SVIL: variants seen among roughly 807,000 people sequenced by gnomAD.
SVIL encodes the protein archvillin.
In SVIL, 101 loss-of-function variants were observed where a neutral mutation model predicts 240.4. That is an observed-to-expected ratio of 0.42 (90% CI 0.36 to 0.50). The LOEUF (loss-of-function observed/expected upper bound fraction) is 0.50, where lower values mean the gene tolerates loss of function less well. Ranked by LOEUF, SVIL falls within the 20% of genes least tolerant of loss-of-function variation. The pLI is 0.01. For missense variants in SVIL, 2,512 were observed against 2,818.7 expected (o/e 0.89, Z 2.46); for synonymous variants, 999 against 1,100.0 (o/e 0.91, Z 1.82).
In SVIL at chr10:29,611,736, C is replaced by T. The variant is rs187539380; in HGVS notation, c.-201+22684G>A. Among the ~76,000 whole-genome samples the T allele has an allele frequency of 7.2e-4, 109 of 152,244 alleles. 1 individual carries two copies. The highest frequency in any genetic ancestry group is 2.3e-3 in the African/African-American group (94 of 41,546). Reference sequence around the variant, plus strand: ...GTGAGGCAAAGGAGCATCTCAGAAGCGAAGCTGCTACTTACGAGAACTTCT... The same window carrying T: ...GTGAGGCAAAGGAGCATCTCAGAAGTGAAGCTGCTACTTACGAGAACTTCT... On this transcript the variant is annotated intron_variant, in intron 1 of 37. Transcript: ENST00000355867.
chr10:29,458,880 C>G (rs749289731), intron 36 of SVIL: 2 of 191,576 alleles, frequency 1.0e-5, no homozygotes, highest in Non-Finnish European at 2.1e-5. Flanking sequence ...AATCATAGCT[C>G]ACTGCAGCCT....
chr10:29,467,338 C>T (rs887232103), intron 33 of SVIL: 1 of 159,792 alleles, frequency 6.3e-6, no homozygotes, highest in African/African-American at 2.4e-5. Context: ...CAGGTGGCAG[C>T]TATGAGGAAA....
intron 1 of SVIL, among the ~76,000 whole-genome samples, chr10:29,709,716 C>CAG (rs1963146179): frequency 6.6e-6 from 1 of 152,160 alleles, no homozygotes; most frequent in Non-Finnish European, 1.5e-5. Context: ...GTAAGTCTGG[C>CAG]AGACACCCCA....
intron 1 of SVIL, among the ~76,000 whole-genome samples, chr10:29,600,579 AT>A (rs1390788520): frequency 6.6e-6 from 1 of 152,112 alleles, no homozygotes; most frequent in Non-Finnish European, 1.5e-5. Flanking sequence ...AGAACTCACC[AT>A]TTTCTTTTAT....
chr10:29,594,914 T>C, intron 1 of SVIL, among the ~76,000 whole-genome samples: 1 of 152,212 alleles, frequency 6.6e-6, no homozygotes, highest in Admixed American at 6.5e-5. Flanking sequence ...AACACACCTC[T>C]GGGTTGTATA....
chr10:29,583,414 C>T (rs73596060), intron 1 of SVIL, among the ~76,000 whole-genome samples: 3,191 of 152,256 alleles, frequency 0.021, 92 homozygotes, highest in African/African-American at 0.07. Flanking sequence ...TTCCTCCCAC[C>T]TCTGCCTCCT....
At chr10:29,658,856 C>T (rs1202463359) in intron 2 of SVIL, among the ~76,000 whole-genome samples, 5 of 152,118 alleles carry the variant, frequency 3.3e-5, no homozygotes, top group African/African-American at 7.2e-5. Context: ...AAATTCATCA[C>T]GAAGTTGGAT....
intron 35 of SVIL, among the ~76,000 whole-genome samples, chr10:29,463,202 T>C (rs538687903): frequency 1.6e-4 from 24 of 152,352 alleles, no homozygotes; most frequent in Non-Finnish European, 3.1e-4. Flanking sequence ...TTAATCTGCC[T>C]GGGGCATTCC....
chr10:29,529,175 C>CAGAAAAAAAAAAAAAA (rs1491188568), intron 12 of SVIL, among the ~76,000 whole-genome samples: 3 of 66,056 alleles, frequency 4.5e-5, no homozygotes, highest in African/African-American at 1.7e-4. Context: ...GACTCTCTCT[C>CAGAAAAAAAAAAAAAA]AAAAAAAAAA....
intron 2 of SVIL, among the ~76,000 whole-genome samples, chr10:29,675,361 G>A (rs1453440684): frequency 6.6e-6 from 1 of 152,158 alleles, no homozygotes; most frequent in African/African-American, 2.4e-5. Flanking sequence ...CCAATTAGCT[G>A]GACATGGTGG....
chr10:29,717,951 C>G (rs529061646), intron 1 of SVIL, among the ~76,000 whole-genome samples: 1 of 152,178 alleles, frequency 6.6e-6, no homozygotes, highest in South Asian at 2.1e-4. Context: ...AAAAATGTCT[C>G]ATTAATATTT....
chr10:29,594,633 C>T (rs1239405760), intron 1 of SVIL, among the ~76,000 whole-genome samples: 5 of 150,458 alleles, frequency 3.3e-5, no homozygotes, highest in South Asian at 2.1e-4. Flanking sequence ...CTGGGCTCAT[C>T]GCAATCTTTG....
At chr10:29,690,096 C>T (rs1262690954) in intron 1 of SVIL, among the ~76,000 whole-genome samples, 1 of 152,160 alleles carries the variant, frequency 6.6e-6, no homozygotes, top group African/African-American at 2.4e-5. Flanking sequence ...CTTTGTAACA[C>T]TGGTCATCTT....
chr10:29,616,986 G>T (rs745586825), intron 1 of SVIL, among the ~76,000 whole-genome samples: 1 of 152,208 alleles, frequency 6.6e-6, no homozygotes, highest in Non-Finnish European at 1.5e-5. Context: ...GCCTCCCAAA[G>T]TGCTGGGATT....
intron 2 of SVIL, among the ~76,000 whole-genome samples, chr10:29,678,576 C>A (rs1375245110): frequency 6.6e-6 from 1 of 152,214 alleles, no homozygotes; most frequent in South Asian, 2.1e-4. Flanking sequence ...GGGTTGGGGA[C>A]CCTGCTCTAG....
rs185654122 is a variant in SVIL at position 29,631,439 on chromosome 10, C to T, written c.-201+2981G>A. ...TGGGCAGATCATGAGGTCAGGATTT[C>T]GAGACCAGCCTGACCAACATGGTGA... is the stretch of plus-strand genomic sequence containing the variant. On this transcript the variant is annotated intron_variant, in intron 1 of 37. Coordinates refer to ENST00000355867, the MANE Select transcript of SVIL (RefSeq NM_021738.3). Among the ~76,000 whole-genome samples the T allele has an allele frequency of 3.1e-4, 47 of 151,162 alleles. No individual in the cohort carries two copies. In the East Asian group the frequency reaches 6.3e-3, roughly 20 times the overall value.
chr10:29,627,189 A>T (rs1957908440), intron 1 of SVIL, among the ~76,000 whole-genome samples: 1 of 151,034 alleles, frequency 6.6e-6, no homozygotes, highest in Non-Finnish European at 1.5e-5. Context: ...TTCTTTCTCA[A>T]CACATTTCTA....
chr10:29,613,421 C>T (rs1476931619), intron 1 of SVIL, among the ~76,000 whole-genome samples: 1 of 152,142 alleles, frequency 6.6e-6, no homozygotes, highest in Non-Finnish European at 1.5e-5. Context: ...CAACCTCGAA[C>T]TCCTGGGCTC....
intron 1 of SVIL, among the ~76,000 whole-genome samples, chr10:29,604,395 ATT>A (rs986375240): frequency 2.8e-5 from 1 of 35,864 alleles, no homozygotes; most frequent in African/African-American, 1.0e-4. Context: ...TTTTTTTGGT[ATT>A]TTTAGTAAGA....
Sources: allele counts gnomAD v4.1 joint callset (sites outside exome capture counted in the v4.1 genomes callset), GRCh38; gene constraint gnomAD v4.1.1; transcripts MANE v1.5; gene names NCBI Gene and HGNC (gene_info 2026-07-23, HGNC 2026-07-21).